The following FAN1 variants were observed in gnomAD, a reference collection of about 807,000 sequenced individuals.
FAN1 encodes the protein FANCD2 and FANCI associated nuclease 1, also known as fanconi-associated nuclease 1.
Under a neutral mutation model 104.9 loss-of-function variants are expected in FAN1, and 91 were observed. The observed-to-expected ratio is 0.87, with a 90% CI of 0.73 to 1.03. FAN1 has a LOEUF of 1.03. Ranked by LOEUF, FAN1 falls within the 50% of genes least tolerant of loss-of-function variation. The probability of loss-of-function intolerance (pLI) is 0.00; values close to 1 mark genes in which losing one functional copy is unlikely to be tolerated. For missense variants in FAN1, 1,263 were observed against 1,239.9 expected (o/e 1.02, Z -0.28); for synonymous variants, 478 against 457.6 (o/e 1.04, Z -0.57).
Position 30,937,135 on chromosome 15 carries a change from G to C in FAN1, c.2933G>C (p.Gly978Ala). ...SRHFKLVEVK[G>A]PNDRLSHKQM... ...CTTTTCCAGCTGGTGGAAGTTAAAG[G>C]CCCCAATGATCGTCTTTCACATAAG... The change falls in exon 14 of 15, where the codon GGC (glycine) becomes GCC (alanine). Residue 978 changes from glycine to alanine, a missense_variant. By Grantham distance (60) the Gly-to-Ala change is moderately conservative (BLOSUM62 0). Transcript: ENST00000362065. The C allele has an allele frequency of 6.2e-7, 1 of 1,611,946 alleles. No homozygotes were observed. The highest frequency in any genetic ancestry group is 8.5e-7 in the Non-Finnish European group (1 of 1,179,476).
intron 6 of FAN1, among the ~76,000 whole-genome samples, chr15:30,918,973 G>C (rs1457016628): frequency 2.0e-5 from 3 of 152,128 alleles, no homozygotes; most frequent in Non-Finnish European, 4.4e-5. Flanking sequence ...GCTTACTGTT[G>C]ACTGGAAGCC....
In FAN1 at chr15:30,929,313, G is replaced by A. The variant is rs1278069248; in HGVS notation, c.2703G>A (p.Trp901Ter). The change falls in exon 12 of 15, where the codon TGG (tryptophan) becomes TGA (stop). Residue 901 changes from tryptophan (W) to a stop codon, truncating the protein, a stop_gained. Coordinates refer to ENST00000362065, the MANE Select transcript of FAN1 (RefSeq NM_014967.5). LOFTEE classifies it high-confidence loss of function. ...HDAPEESLRAWVAATWHEQEG... is the reference protein window; with the variant it reads ...HDAPEESLRA ...CCCCCGAGGAGAGCCTGCGGGCCTG[G>A]GTGGCAGCCACGTGGCATGAGCAGG... The A allele has an allele frequency of 2.5e-6, 4 of 1,612,446 alleles. No individual in the cohort carries two copies. In the African/African-American group the frequency reaches 5.4e-5, roughly 22 times the overall value.
Position 30,905,743 on chromosome 15 carries a change from G to T in FAN1, c.1080G>T (p.Gly360=), listed in dbSNP as rs2061962836. Residue 360 remains glycine (G), a synonymous_variant, in exon 2 of 15, where the codon GGG becomes GGT. Transcript: ENST00000362065. ...CTCACAGCATTCCTTTGGAGCAGGGGTCAAGCTGCAATGGTCCTGGTCAAA... is the reference window on the plus strand; with the variant it reads ...CTCACAGCATTCCTTTGGAGCAGGGTTCAAGCTGCAATGGTCCTGGTCAAA... ...DIPHSIPLEQ[G]SSCNGPGQTT... 6.2e-7 allele frequency: 1 copy of T among 1,614,182 alleles called. No homozygotes were observed. Among genetic ancestry groups the T allele is most frequent in the Middle Eastern group, 1.6e-4 (1 of 6,062 alleles).
chr15:30,910,730 G>A lies in FAN1; in HGVS notation c.1492G>A (p.Asp498Asn). ...CAATGGACAGAAACAGCAGCTGGTG[G>A]ACGCCTTTCTCAAATTGGCCAAACA... The part of the protein sequence containing the change: ...NPNGQKQQLV[D>N]AFLKLAKQRS... Residue 498 changes from aspartate to asparagine, a missense_variant, in exon 4 of 15, where the codon GAC (aspartate) becomes AAC (asparagine). Around this residue, in one of 2 missense-constraint regions of FAN1, gnomAD observed 581 missense variants for 668.8 expected, o/e 0.87. Transcript: ENST00000362065. 6.2e-7 allele frequency: 1 copy of A among 1,614,120 alleles called. No homozygotes were observed. The highest frequency in any genetic ancestry group is 1.7e-5 in the Admixed American group (1 of 60,022).
At chr15:30,940,575 T>C in intron 14 of FAN1, 1 of 985,434 alleles carries the variant, frequency 1.0e-6, no homozygotes, top group Non-Finnish European at 1.2e-6. Context: ...CCAGCAAGCC[T>C]TGTTTGTTTT....
Position 30,925,375 on chromosome 15 carries a change from G to A in FAN1, c.2337+84G>A, listed in dbSNP as rs1295128046. 7 of 1,289,028 alleles carry A rather than the reference G, an allele frequency of 5.4e-6. No homozygotes were observed. In the African/African-American group the frequency reaches 1.0e-4, roughly 19 times the overall value. The allele number at this position is 1,289,028 out of a possible 1,614,324, so 79.8% of individuals were successfully genotyped here. A position where few individuals can be genotyped will look rare whatever the true frequency, so the allele number is the denominator to read the frequency against. On this transcript the variant is annotated intron_variant, in intron 9 of 14. Transcript: ENST00000362065. ...CCAGAAGCATCCTAAGAGCTGTTTTGAGTGTGTGTTTTCTTTTAGACTCGG... is the reference window on the plus strand; with the variant it reads ...CCAGAAGCATCCTAAGAGCTGTTTTAAGTGTGTGTTTTCTTTTAGACTCGG...
chr15:30,925,128 C>T lies in FAN1; in HGVS notation c.2174C>T (p.Thr725Ile). ...ATGTGTGACCATGCTCTCTGCCAGACTATCAAGTGCATCACAGAGGGGCTG... is the reference window on the plus strand; with the variant it reads ...ATGTGTGACCATGCTCTCTGCCAGATTATCAAGTGCATCACAGAGGGGCTG... ...LHQHLKRLEP[T>I]IKCITEGLAD... Residue 725 changes from threonine to isoleucine, a missense_variant and splice_region_variant, in exon 9 of 15, where the codon ACT becomes ATT. Coordinates refer to ENST00000362065, the MANE Select transcript of FAN1 (RefSeq NM_014967.5). 1.2e-6 allele frequency: 2 copies of T among 1,612,412 alleles called. No homozygotes were observed. The highest frequency in any genetic ancestry group is 1.7e-6 in the Non-Finnish European group (2 of 1,179,020).
chr15:30,941,849 G>A lies in FAN1; in HGVS notation c.*287G>A, dbSNP rs1008064083. On this transcript the variant is annotated 3_prime_UTR_variant, in exon 15 of 15. Coordinates refer to ENST00000362065, the MANE Select transcript of FAN1 (RefSeq NM_014967.5). The stretch of plus-strand genomic sequence containing the variant: ...GCACAGTTTCCACAGTTTTATGTGT[G>A]TTCCAGAGACACGTGGCAGAATAAC... 10 of 1,614,070 alleles carry A rather than the reference G, an allele frequency of 6.2e-6. No individual in the cohort carries two copies. The highest frequency in any genetic ancestry group is 5.5e-5 in the South Asian group (5 of 91,080).
chr15:30,937,169 C>G lies in FAN1; in HGVS notation c.2967C>G (p.Ile989Met). 1 of 1,614,034 alleles carries G rather than the reference C, an allele frequency of 6.2e-7. No homozygotes were observed. The highest frequency in any genetic ancestry group is 8.5e-7 in the Non-Finnish European group (1 of 1,179,956). ...PNDRLSHKQM[I>M]WLAELQKLGA... is the part of the protein sequence containing the mutation. ...ATCGTCTTTCACATAAGCAGATGATCTGGCTGGCTGAACTGCAGAAGCTGG... is the reference window on the plus strand; with the variant it reads ...ATCGTCTTTCACATAAGCAGATGATGTGGCTGGCTGAACTGCAGAAGCTGG... Residue 989 changes from isoleucine to methionine, a missense_variant, in exon 14 of 15, where the codon ATC becomes ATG. Transcript: ENST00000362065.
Position 30,905,821 on chromosome 15 carries a change from A to AC in FAN1, c.1159dup (p.Leu387ProfsTer2), listed in dbSNP as rs1477830698. 6.2e-7 allele frequency: 1 copy of AC among 1,614,164 alleles called. No homozygotes were observed. The highest frequency in any genetic ancestry group is 1.7e-5 in the Admixed American group (1 of 60,024). ...GTTTCCTTGTGGTGCTGAAAACCGT[A>AC]CTTGAGAATGAAGATGATATGTTGC... On this transcript the variant is annotated frameshift_variant, in exon 2 of 15. Coordinates refer to ENST00000362065, the MANE Select transcript of FAN1 (RefSeq NM_014967.5). LOFTEE classifies it high-confidence loss of function.
intron 13 of FAN1, among the ~76,000 whole-genome samples, chr15:30,932,707 G>GT (rs1222550046): frequency 7.8e-6 from 1 of 127,920 alleles, no homozygotes; most frequent in Non-Finnish European, 1.6e-5. Flanking sequence ...GTTTATATTT[G>GT]TTTCTTTTCT....
At chr15:30,913,701 CCTGG>C (rs1178078985) in intron 4 of FAN1, among the ~76,000 whole-genome samples, 153 bp from the exon 5 acceptor site, 2 of 152,144 alleles carry the variant, frequency 1.3e-5, no homozygotes, top group African/African-American at 2.4e-5. Context: ...CCTGTGTATC[CCTGG>C]GTGAGCTCTC....
At chr15:30,926,074 T>C (rs900007627) in intron 10 of FAN1, 135 bp downstream of exon 10, 1 of 862,308 alleles carries the variant, frequency 1.2e-6, no homozygotes, top group African/African-American at 1.7e-5. Context: ...GGCTGGGGGA[T>C]GTCTTCCTAT....
intron 13 of FAN1, among the ~76,000 whole-genome samples, chr15:30,933,856 G>A (rs1385237465): frequency 6.6e-6 from 1 of 151,976 alleles, no homozygotes; most frequent in Non-Finnish European, 1.5e-5. Context: ...GATCTCCCAG[G>A]CTCAAGCAAT....
In FAN1 at chr15:30,916,119, A is replaced by G. The variant is rs79125261; in HGVS notation, c.1811+2028A>G. Among the ~76,000 whole-genome samples the G allele has an allele frequency of 1.1e-4, 16 of 152,330 alleles. No individual in the cohort carries two copies. In the East Asian group the frequency reaches 1.9e-3, roughly 18 times the overall value. ...CAATGGGAATAACTTTTTTAGTTAA[A>G]ATCTCTAATAAGACTGTTTATTCTT... On this transcript the variant is annotated intron_variant, in intron 5 of 14. Transcript: ENST00000362065.
In FAN1 at chr15:30,929,193, T is replaced by C. The variant is rs2062549313; in HGVS notation, c.2593-10T>C. On this transcript the variant is annotated splice_polypyrimidine_tract_variant and intron_variant, in intron 11 of 14. Coordinates refer to ENST00000362065, the MANE Select transcript of FAN1 (RefSeq NM_014967.5). Reference sequence around the variant, plus strand: ...GCACAGTATGACAGCTTGCTTTCCCTGTGACACAGGCATTCCCCCTGGACT... The same window carrying C: ...GCACAGTATGACAGCTTGCTTTCCCCGTGACACAGGCATTCCCCCTGGACT... 1 of 1,609,544 alleles carries C rather than the reference T, an allele frequency of 6.2e-7. No individual in the cohort carries two copies. The highest frequency in any genetic ancestry group is 8.5e-7 in the Non-Finnish European group (1 of 1,178,412).
At chr15:30,939,949 C>G (rs564921866) in intron 14 of FAN1, 1 of 984,570 alleles carries the variant, frequency 1.0e-6, no homozygotes, top group African/African-American at 1.7e-5. Context: ...TTTAAGAACT[C>G]CTGTCCTGTT....
At chr15:30,910,408 CTAT>C (rs1424135188) in intron 3 of FAN1, among the ~76,000 whole-genome samples, 1 of 152,066 alleles carries the variant, frequency 6.6e-6, no homozygotes, top group Non-Finnish European at 1.5e-5. Flanking sequence ...GTGAGAAATT[CTAT>C]TATTTGATAA....
intron 3 of FAN1, 140 bp from the exon 4 acceptor site, chr15:30,910,474 A>G: frequency 3.6e-6 from 2 of 562,004 alleles, no homozygotes; most frequent in Non-Finnish European, 6.3e-6. Context: ...TACCATGTTA[A>G]TAATTCCACA....
Sources: gnomAD v4.1 joint callset for allele counts (sites outside exome capture counted in the v4.1 genomes callset) on GRCh38, gnomAD v4.1.1 for gene constraint, gnomAD v4.1.1 regional missense constraint, MANE v1.5 for transcripts, NCBI Gene and HGNC (gene_info 2026-07-23, HGNC 2026-07-21) for gene names.